The following DIAPH3 variants were observed in gnomAD, a reference collection of about 807,000 sequenced individuals.
DIAPH3 encodes the protein diaphanous related formin 3, also known as protein diaphanous homolog 3.
In DIAPH3, 117 loss-of-function variants were observed where a neutral mutation model predicts 144.3. The observed-to-expected ratio is 0.81, with a 90% CI of 0.70 to 0.95. The LOEUF is 0.95. Ranked by LOEUF, DIAPH3 falls within the 40% of genes least tolerant of loss-of-function variation. DIAPH3 has a pLI of 0.00. For synonymous variants in DIAPH3, 519 were observed against 488.9 expected (o/e 1.06, Z -0.81); for missense variants, 1,421 against 1,412.7 (o/e 1.01, Z -0.09).
chr13:60,058,044 A>AAC (rs1298867271), intron 4 of DIAPH3, among the ~76,000 whole-genome samples: 1 of 151,786 alleles, frequency 6.6e-6, no homozygotes, highest in Non-Finnish European at 1.5e-5. Context: ...AAATAAATGG[A>AAC]ACCTAATTAA....
At chr13:59,710,254 A>T (rs1407479427) in intron 27 of DIAPH3, among the ~76,000 whole-genome samples, 11 of 113,600 alleles carry the variant, frequency 9.7e-5, no homozygotes, top group Admixed American at 8.7e-4. Context: ...ATAATAATAA[A>T]TAACAAAAAA....
chr13:59,837,898 T>C (rs2042124226), intron 23 of DIAPH3: 1 of 152,046 alleles, frequency 6.6e-6, no homozygotes, highest in Non-Finnish European at 1.5e-5. Context: ...TGATTGTTGC[T>C]GGAGTATATT....
intron 27 of DIAPH3, 108 bp from the exon 28 acceptor site, chr13:59,666,954 C>CT: frequency 7.9e-7 from 1 of 1,261,382 alleles, no homozygotes; most frequent in Non-Finnish European, 1.1e-6. Flanking sequence ...AAGTAGTCTT[C>CT]TTAGATAGAC....
At chr13:60,093,161 G>A (rs1030407749) in intron 4 of DIAPH3, among the ~76,000 whole-genome samples, 2 of 152,114 alleles carry the variant, frequency 1.3e-5, no homozygotes, top group Non-Finnish European at 2.9e-5. Flanking sequence ...GCCATGTAGA[G>A]GCCTAATGCT....
intron 1 of DIAPH3, among the ~76,000 whole-genome samples, chr13:60,135,393 T>A (rs746579352): frequency 6.6e-5 from 10 of 152,210 alleles, no homozygotes; most frequent in Non-Finnish European, 1.5e-4. Context: ...TATGTTATTA[T>A]ATTTCCCAAA....
At chr13:59,833,675 T>C (rs1002394619) in intron 23 of DIAPH3, among the ~76,000 whole-genome samples, 3 of 151,738 alleles carry the variant, frequency 2.0e-5, no homozygotes, top group African/African-American at 7.2e-5. Context: ...AAATTGGACA[T>C]CTTGGGATCA....
chr13:60,136,787 A>G (rs982838784), intron 1 of DIAPH3, among the ~76,000 whole-genome samples: 2 of 152,054 alleles, frequency 1.3e-5, no homozygotes, highest in Non-Finnish European at 2.9e-5. Context: ...TACAAAAAAA[A>G]AAATTAGCCG....
At chr13:59,916,126 T>G in intron 19 of DIAPH3, 29 bp downstream of exon 19, 68 of 1,571,208 alleles carry the variant, frequency 4.3e-5, no homozygotes, top group East Asian at 6.7e-5. Context: ...AATGAAATAT[T>G]GAAATTTAAG....
chr13:59,822,044 G>A (rs1009913504), intron 24 of DIAPH3, among the ~76,000 whole-genome samples: 2 of 152,042 alleles, frequency 1.3e-5, no homozygotes, highest in Non-Finnish European at 2.9e-5. Flanking sequence ...AACATTACTG[G>A]CCCTTCTTAA....
At chr13:59,943,902 G>A (rs1343467408) in intron 17 of DIAPH3, among the ~76,000 whole-genome samples, 1 of 151,938 alleles carries the variant, frequency 6.6e-6, no homozygotes, top group Non-Finnish European at 1.5e-5. Context: ...CTATTTCCTT[G>A]AGGCCAACCA....
chr13:60,101,154 T>C (rs1173433520), intron 3 of DIAPH3, among the ~76,000 whole-genome samples: 1 of 152,202 alleles, frequency 6.6e-6, no homozygotes, highest in Non-Finnish European at 1.5e-5. Context: ...ACTTAATTAA[T>C]CCTCAGTAAC....
chr13:59,919,757 A>G (rs2047419092), intron 18 of DIAPH3, among the ~76,000 whole-genome samples: 1 of 152,058 alleles, frequency 6.6e-6, no homozygotes, highest in Admixed American at 6.6e-5. Flanking sequence ...TCAAATTCCG[A>G]ATATTCTAAT....
intron 27 of DIAPH3, among the ~76,000 whole-genome samples, chr13:59,714,480 G>T (rs934878564): frequency 6.6e-6 from 1 of 152,112 alleles, no homozygotes; most frequent in South Asian, 2.1e-4. Context: ...GGCTGCAATG[G>T]GCTATGAACA....
chr13:60,128,840 G>T (rs1306461006), intron 2 of DIAPH3, among the ~76,000 whole-genome samples: 1 of 151,226 alleles, frequency 6.6e-6, no homozygotes. Context: ...GAAATAAAAA[G>T]ATCAGAATTC....
intron 27 of DIAPH3, among the ~76,000 whole-genome samples, chr13:59,689,484 A>T (rs1343288847): frequency 1.3e-5 from 2 of 152,114 alleles, no homozygotes; most frequent in Non-Finnish European, 2.9e-5. Context: ...ATAAAATTTG[A>T]TTAGACAGTT....
At chr13:60,079,756 T>C (rs527495767) in intron 4 of DIAPH3, among the ~76,000 whole-genome samples, 2 of 152,126 alleles carry the variant, frequency 1.3e-5, no homozygotes, top group East Asian at 3.9e-4. Context: ...ATATTTCATG[T>C]GCGGGAAAAA....
chr13:60,070,416 A>C (rs2057158091), intron 4 of DIAPH3, among the ~76,000 whole-genome samples: 1 of 151,654 alleles, frequency 6.6e-6, no homozygotes, highest in Non-Finnish European at 1.5e-5. Context: ...GCCTGTGCTT[A>C]ATTTGACATA....
intron 13 of DIAPH3, among the ~76,000 whole-genome samples, chr13:59,982,990 A>C (rs2051116264): frequency 6.6e-6 from 1 of 151,014 alleles, no homozygotes; most frequent in Non-Finnish European, 1.5e-5. Flanking sequence ...CCACTTAAAA[A>C]CTCAAATTTT....
intron 17 of DIAPH3, among the ~76,000 whole-genome samples, chr13:59,937,557 T>C (rs1199097381): frequency 3.3e-5 from 5 of 152,142 alleles, no homozygotes; most frequent in Admixed American, 2.6e-4. Context: ...CATTAAATCA[T>C]AGGCAGACCA....
Sources: gnomAD v4.1 joint callset for allele counts (sites outside exome capture counted in the v4.1 genomes callset) on GRCh38, gnomAD v4.1.1 for gene constraint, MANE v1.5 for transcripts, NCBI Gene and HGNC (gene_info 2026-07-23, HGNC 2026-07-21) for gene names.